TPST1: variants seen among roughly 807,000 people sequenced by gnomAD.
TPST1 encodes protein-tyrosine sulfotransferase 1.
A neutral mutation model predicts 34.8 loss-of-function variants in TPST1; 20 were observed. The observed-to-expected ratio is 0.57, with a 90% CI of 0.40 to 0.84. The LOEUF (loss-of-function observed/expected upper bound fraction) is 0.84, where lower values mean the gene tolerates loss of function less well. Among genes scored for constraint, TPST1 ranks in the 40% least tolerant of loss-of-function variants. TPST1 has a pLI of 0.00. For synonymous variants in TPST1, 152 were observed against 159.4 expected (o/e 0.95, Z 0.35); for missense variants, 353 against 455.5 (o/e 0.78, Z 2.05).
chr7:66,231,649 G>T (rs1291366530), intron 1 of TPST1, among the ~76,000 whole-genome samples: 1 of 152,254 alleles, frequency 6.6e-6, no homozygotes, highest in Non-Finnish European at 1.5e-5. Flanking sequence ...GGCCCGCCAA[G>T]TCCACGCCCA....
chr7:66,240,047 A>C (rs4149457), intron 1 of TPST1, among the ~76,000 whole-genome samples: 43,788 of 151,330 alleles, frequency 0.29, 7,831 homozygotes, highest in Non-Finnish European at 0.39. Flanking sequence ...ATGCCCAGCT[A>C]ATTTTTTTTG....
At chr7:66,200,445 A>C (rs1321383988), upstream of TPST1, among the ~76,000 whole-genome samples, 45 of 132,262 alleles carry the variant, frequency 3.4e-4, no homozygotes, top group African/African-American at 1.2e-3. Context: ...TTTGAGATGG[A>C]GTTTCGCTCT....
At chr7:66,231,797 G>C (rs376383800) in intron 1 of TPST1, among the ~76,000 whole-genome samples, 1 of 152,244 alleles carries the variant, frequency 6.6e-6, no homozygotes, top group South Asian at 2.1e-4. Flanking sequence ...ACAGTGCAGC[G>C]GTGGGCTGAA....
At chr7:66,210,332 C>A (rs1009409706) in intron 1 of TPST1, among the ~76,000 whole-genome samples, 2 of 152,132 alleles carry the variant, frequency 1.3e-5, no homozygotes, top group Non-Finnish European at 2.9e-5. Context: ...CAGGAAATCG[C>A]CTGAGAGAGC....
At chr7:66,227,340 C>A (rs1762317871) in intron 1 of TPST1, among the ~76,000 whole-genome samples, 1 of 151,876 alleles carries the variant, frequency 6.6e-6, no homozygotes, top group African/African-American at 2.4e-5. Context: ...CCAAAATAAG[C>A]CTTTAAGTGA....
intron 3 of TPST1, among the ~76,000 whole-genome samples, chr7:66,349,012 C>T (rs1001173011): frequency 6.6e-6 from 1 of 152,124 alleles, no homozygotes; most frequent in Non-Finnish European, 1.5e-5. Context: ...TGAATGTTCC[C>T]ACTCATATTT....
chr7:66,319,948 C>G (rs552299158), intron 3 of TPST1, among the ~76,000 whole-genome samples: 1 of 152,300 alleles, frequency 6.6e-6, no homozygotes, highest in Non-Finnish European at 1.5e-5. Flanking sequence ...CCCTCCTCCT[C>G]TTTACTTTTC....
At chr7:66,259,104 C>G (rs985996092) in intron 2 of TPST1, among the ~76,000 whole-genome samples, 1 of 152,114 alleles carries the variant, frequency 6.6e-6, no homozygotes, top group Admixed American at 6.5e-5. Context: ...ACTTTAAGCT[C>G]TTTATCTTTT....
intron 3 of TPST1, among the ~76,000 whole-genome samples, chr7:66,335,859 C>A (rs1421966597): frequency 6.6e-6 from 1 of 152,132 alleles, no homozygotes; most frequent in Non-Finnish European, 1.5e-5. Flanking sequence ...GCTGTGTCCT[C>A]AAATGTGCAA....
chr7:66,200,420 CTTTT>C (rs35086138), upstream of TPST1, among the ~76,000 whole-genome samples: 2 of 136,556 alleles, frequency 1.5e-5, no homozygotes, highest in Non-Finnish European at 1.6e-5. Flanking sequence ...GTGAAGTTAT[CTTTT>C]TTTTTTTTTT....
At chr7:66,304,821 CTT>C (rs72110892) in intron 3 of TPST1, among the ~76,000 whole-genome samples, 9 of 146,602 alleles carry the variant, frequency 6.1e-5, no homozygotes, top group South Asian at 2.2e-4. Flanking sequence ...TAGCCATTTC[CTT>C]TTTTTTTTTT....
chr7:66,266,857 G>A (rs544787802), intron 2 of TPST1, among the ~76,000 whole-genome samples: 2 of 152,274 alleles, frequency 1.3e-5, no homozygotes, highest in East Asian at 1.9e-4. Context: ...AGTTAGAATA[G>A]TGGTTATTCT....
At chr7:66,229,666 G>T (rs1163177385) in intron 1 of TPST1, among the ~76,000 whole-genome samples, 1 of 152,090 alleles carries the variant, frequency 6.6e-6, no homozygotes, top group Admixed American at 6.6e-5. Context: ...TTGTTGTATG[G>T]TAAGTATATA....
At chr7:66,299,864 G>A (rs1791278652) in intron 3 of TPST1, among the ~76,000 whole-genome samples, 1 of 151,980 alleles carries the variant, frequency 6.6e-6, no homozygotes. Flanking sequence ...TTTATTATGG[G>A]TTATAGGCAC....
intron 2 of TPST1, among the ~76,000 whole-genome samples, chr7:66,258,407 G>T (rs940289058): frequency 6.6e-6 from 1 of 152,062 alleles, no homozygotes; most frequent in African/African-American, 2.4e-5. Context: ...TGCTACTTTG[G>T]GTCTTTCCTA....
At chr7:66,251,787 C>A (rs1462617212) in intron 2 of TPST1, among the ~76,000 whole-genome samples, 1 of 150,708 alleles carries the variant, frequency 6.6e-6, no homozygotes, top group Admixed American at 6.6e-5. Context: ...TTTTTTCGGT[C>A]AGGTTCTTTT....
chr7:66,294,802 C>T (rs1340352051), intron 3 of TPST1, among the ~76,000 whole-genome samples: 1 of 151,952 alleles, frequency 6.6e-6, no homozygotes, highest in Non-Finnish European at 1.5e-5. Flanking sequence ...TTATGTTAAA[C>T]AAAGGTAAGA....
At chr7:66,200,390 G>T (rs1427885932), upstream of TPST1, among the ~76,000 whole-genome samples, 1 of 151,864 alleles carries the variant, frequency 6.6e-6, no homozygotes, top group African/African-American at 2.4e-5. Flanking sequence ...TGAAGATGGG[G>T]CAAAGCCATC....
Position 66,338,017 on chromosome 7 carries a change from T to C in TPST1, c.1045-14488T>C, listed in dbSNP as rs190699077. ...TGTCAGTAATAACTTTGAATATAAA[T>C]GGATTAAATTCTTCAATTAAGAGTG... On this transcript the variant is annotated intron_variant, in intron 3 of 5. Transcript: ENST00000304842. 3.8e-3 allele frequency among the ~76,000 whole-genome samples: 577 copies of C among 152,210 alleles called. 1 individual carries two copies. The highest frequency in any genetic ancestry group is 5.4e-3 in the Non-Finnish European group (367 of 68,018).
Sources: allele counts gnomAD v4.1 joint callset (sites outside exome capture counted in the v4.1 genomes callset), GRCh38; gene constraint gnomAD v4.1.1; transcripts MANE v1.5; gene names NCBI Gene and HGNC (gene_info 2026-07-23, HGNC 2026-07-21).